Variants in L3MBTL3 observed in about 807,000 individuals in gnomAD.
L3MBTL3 encodes L3MBTL histone methyl-lysine binding protein 3.
A neutral mutation model predicts 102.3 loss-of-function variants in L3MBTL3; 27 were observed. The observed-to-expected ratio is 0.26, with a 90% confidence interval of 0.19 to 0.36. The LOEUF is 0.36. L3MBTL3 is among the 10% of genes least tolerant of loss of function. The pLI, the probability that L3MBTL3 is intolerant of heterozygous loss-of-function variation, is 1.00. For synonymous variants in L3MBTL3, 340 were observed against 320.9 expected (o/e 1.06, Z -0.64); for missense variants, 798 against 955.3 (o/e 0.84, Z 2.17).
At chr6:130,110,263 G>A (rs1230721502) in intron 19 of L3MBTL3, among the ~76,000 whole-genome samples, 2 of 152,156 alleles carry the variant, frequency 1.3e-5, no homozygotes, top group African/African-American at 4.8e-5. Context: ...GATGGGAATA[G>A]CATTGAATCT....
chr6:130,071,905 A>T (rs960218804), intron 13 of L3MBTL3, among the ~76,000 whole-genome samples: 1 of 152,156 alleles, frequency 6.6e-6, no homozygotes, highest in Non-Finnish European at 1.5e-5. Context: ...GGATTCTTAG[A>T]TACTCATTAG....
At chr6:130,055,406 A>C in intron 8 of L3MBTL3, 151 bp downstream of exon 8, 2 of 629,896 alleles carry the variant, frequency 3.2e-6, no homozygotes, top group East Asian at 6.0e-5. Context: ...TTTGAGGATA[A>C]GGAAAAAAAT....
rs144557707 is a variant in L3MBTL3 at position 130,133,541 on chromosome 6, C to T, written c.2056C>T (p.Arg686Cys). The T allele has an allele frequency of 1.7e-5, 28 of 1,614,132 alleles. No homozygotes were observed. Among genetic ancestry groups the T allele is most frequent in the East Asian group, 2.2e-5 (1 of 44,858 alleles). The change falls in exon 21 of 23, where the codon CGC becomes TGC. Residue 686 changes from arginine to cysteine, a missense_variant. Around this residue, in one of 4 missense-constraint regions of L3MBTL3, gnomAD observed 306 missense variants for 314.4 expected, o/e 0.97. Coordinates refer to ENST00000361794, the MANE Select transcript of L3MBTL3 (RefSeq NM_032438.4). The surrounding 1 kb of genome is among the most constrained non-coding windows in gnomAD (Gnocchi z 4.9). The part of the protein sequence containing the change: ...FKSPIPCLPL[R>C]WEQQSKLLPT... ...GTCCCCAATTCCATGTCTGCCCTTG[C>T]GCTGGGAGCAGCAAAGCAAACTTCT...
At chr6:130,020,907 C>T (rs1044866024) in intron 1 of L3MBTL3, among the ~76,000 whole-genome samples, 1 of 151,014 alleles carries the variant, frequency 6.6e-6, no homozygotes, top group Non-Finnish European at 1.5e-5. Context: ...CATTCGAGAT[C>T]ATTCAGAGTG....
At chr6:130,064,053 A>C (rs1177887210) in intron 10 of L3MBTL3, among the ~76,000 whole-genome samples, 1 of 152,222 alleles carries the variant, frequency 6.6e-6, no homozygotes, top group East Asian at 1.9e-4. Flanking sequence ...GGAATACAGT[A>C]TGTGAATAAT....
At chr6:130,077,124 A>G (rs765284909) in intron 13 of L3MBTL3, among the ~76,000 whole-genome samples, 10 of 151,958 alleles carry the variant, frequency 6.6e-5, no homozygotes, top group Non-Finnish European at 1.3e-4. Flanking sequence ...AATATTATAT[A>G]TATGTTATTT....
At chr6:130,093,216 A>G (rs73780141) in intron 17 of L3MBTL3, among the ~76,000 whole-genome samples, 4,453 of 152,196 alleles carry the variant, frequency 0.029, 227 homozygotes, top group African/African-American at 0.1. Context: ...AAACGTTAAC[A>G]TTGGGAGAAA....
At chr6:130,112,336 C>G (rs1785405563) in intron 19 of L3MBTL3, among the ~76,000 whole-genome samples, 1 of 152,190 alleles carries the variant, frequency 6.6e-6, no homozygotes. Context: ...GGACAGCTAT[C>G]AGTTATGTAA....
In L3MBTL3 at chr6:130,071,544, C is replaced by T. The variant is rs539688844; in HGVS notation, c.1244+417C>T. On this transcript the variant is annotated intron_variant, in intron 13 of 22. Coordinates refer to ENST00000361794, the MANE Select transcript of L3MBTL3 (RefSeq NM_032438.4). ...AAAGTTGTAAAAGCAACATATTTTA[C>T]AATTATATAATTATAAAATAATTAT... 1.1e-4 allele frequency among the ~76,000 whole-genome samples: 17 copies of T among 151,980 alleles called. No individual in the cohort carries two copies. The East Asian group carries it at 2.9e-3, about 26-fold the overall frequency.
intron 8 of L3MBTL3, among the ~76,000 whole-genome samples, chr6:130,055,879 C>T (rs1781471827): frequency 1.3e-5 from 2 of 151,206 alleles, no homozygotes; most frequent in African/African-American, 2.4e-5. Context: ...CTTCTGTCTT[C>T]TCTTCCCTTC....
At position 130,070,148 on chromosome 6, in the gene L3MBTL3, G is replaced by C. The variant is rs1474480789; in HGVS notation, c.1093-828G>C. Among the ~76,000 whole-genome samples, 7 of 151,738 alleles carry C rather than the reference G, an allele frequency of 4.6e-5. No homozygotes were observed. The East Asian group carries it at 1.4e-3, about 29-fold the overall frequency. Reference sequence around the variant, plus strand: ...TTTGTTTTGTTTTTAGGGAAGGAATGACTTGTAGTGTGTTGTGATTTGCAT... The same window carrying C: ...TTTGTTTTGTTTTTAGGGAAGGAATCACTTGTAGTGTGTTGTGATTTGCAT... On this transcript the variant is annotated intron_variant, in intron 12 of 22. Transcript: ENST00000361794.
intron 19 of L3MBTL3, among the ~76,000 whole-genome samples, chr6:130,114,400 C>T (rs1285035747): frequency 1.3e-5 from 2 of 152,206 alleles, no homozygotes; most frequent in Non-Finnish European, 2.9e-5. Context: ...AAAGCGGTGA[C>T]ATCTGTTCTC....
At chr6:130,118,896 C>T (rs1231307802) in intron 19 of L3MBTL3, among the ~76,000 whole-genome samples, 1 of 152,090 alleles carries the variant, frequency 6.6e-6, no homozygotes, top group Non-Finnish European at 1.5e-5. Flanking sequence ...TATCTCTGTT[C>T]CCTCTTGGAA....
chr6:130,117,193 A>G (rs367563290), intron 19 of L3MBTL3, among the ~76,000 whole-genome samples: 84 of 130,884 alleles, frequency 6.4e-4, no homozygotes, highest in African/African-American at 2.0e-3. Context: ...TCATTGTTCA[A>G]TTCCCACCTA....
intron 2 of L3MBTL3, among the ~76,000 whole-genome samples, chr6:130,033,373 C>T (rs1421106098): frequency 6.6e-6 from 1 of 152,118 alleles, no homozygotes; most frequent in Non-Finnish European, 1.5e-5. Context: ...AAGATGATTT[C>T]TGTAAAGTAA....
Position 130,053,597 on chromosome 6 carries a change from T to C in L3MBTL3, c.582+606T>C, listed in dbSNP as rs184451478. On this transcript the variant is annotated intron_variant, in intron 7 of 22. Coordinates refer to ENST00000361794, the MANE Select transcript of L3MBTL3 (RefSeq NM_032438.4). ...TTGCAATGAGCTGAGATTGCACCAC[T>C]GCACTCCAGCCTGGGCGACAGAGCG... Among the ~76,000 whole-genome samples, 753 of 145,996 alleles carry C rather than the reference T, an allele frequency of 5.2e-3. 4 individuals carry two copies. The highest frequency in any genetic ancestry group is 6.7e-3 in the Non-Finnish European group (454 of 67,290).
chr6:130,092,683 A>G, intron 16 of L3MBTL3, 62 bp from the exon 17 acceptor site: 2 of 994,836 alleles, frequency 2.0e-6, no homozygotes, highest in Non-Finnish European at 3.2e-6. Context: ...CTGTGGGCAG[A>G]ACTTTGACTG....
chr6:130,043,933 A>G (rs1780580747), intron 3 of L3MBTL3, among the ~76,000 whole-genome samples: 1 of 152,158 alleles, frequency 6.6e-6, no homozygotes, highest in Non-Finnish European at 1.5e-5. Context: ...TGGAGAGGAG[A>G]TTGGGTTTTC....
At chr6:130,082,367 G>A (rs931639402) in intron 14 of L3MBTL3, among the ~76,000 whole-genome samples, 8 of 152,052 alleles carry the variant, frequency 5.3e-5, no homozygotes, top group Non-Finnish European at 7.4e-5. Context: ...TACAAAATTA[G>A]TTGATATTTT....
Sources: gnomAD v4.1 joint callset for allele counts (sites outside exome capture counted in the v4.1 genomes callset) on GRCh38, gnomAD v4.1.1 for gene constraint, gnomAD v4.1.1 regional missense constraint, Gnocchi (gnomAD v3.1) non-coding constraint, MANE v1.5 for transcripts, NCBI Gene and HGNC (gene_info 2026-07-23, HGNC 2026-07-21) for gene names.